GAB2: variants seen among roughly 807,000 people sequenced by gnomAD.
The protein encoded by GAB2 is GRB2-associated-binding protein 2.
A neutral mutation model predicts 65.5 loss-of-function variants in GAB2; 26 were observed. That is an observed-to-expected ratio of 0.40 (90% confidence interval 0.29 to 0.55). The LOEUF (loss-of-function observed/expected upper bound fraction) is 0.55. Among genes scored for constraint, GAB2 ranks in the 20% least tolerant of loss-of-function variants. The pLI, the probability that GAB2 is intolerant of heterozygous loss-of-function variation, is 0.53. For synonymous variants in GAB2, 321 were observed against 329.6 expected (o/e 0.97, Z 0.28); for missense variants, 884 against 875.8 (o/e 1.01, Z -0.12).
At chr11:78,274,568 G>C (rs1048532043) in intron 2 of GAB2, among the ~76,000 whole-genome samples, 5 of 152,208 alleles carry the variant, frequency 3.3e-5, no homozygotes, top group Admixed American at 6.5e-5. Context: ...TTTTATAAAA[G>C]GAAGTTGAGA....
At chr11:78,222,052 A>G in intron 7 of GAB2, 53 bp downstream of exon 7, 2 of 1,186,240 alleles carry the variant, frequency 1.7e-6, no homozygotes, top group Non-Finnish European at 2.5e-6. Context: ...CACATCACTC[A>G]TTTTCCCTAA....
At chr11:78,222,314 C>T (rs1039737021) in intron 6 of GAB2, 119 bp from the exon 7 acceptor site, 2 of 691,772 alleles carry the variant, frequency 2.9e-6, no homozygotes, top group African/African-American at 3.5e-5. Flanking sequence ...CAGTTTCACA[C>T]AGGGAAACTG....
intron 2 of GAB2, among the ~76,000 whole-genome samples, chr11:78,272,574 G>A (rs191090168): frequency 9.2e-5 from 14 of 152,284 alleles, no homozygotes; most frequent in African/African-American, 3.4e-4. Flanking sequence ...TGACTTGGGT[G>A]CTGTTAAAGG....
chr11:78,291,675 G>A (rs867052538), intron 1 of GAB2, among the ~76,000 whole-genome samples: 1 of 137,622 alleles, frequency 7.3e-6, no homozygotes, highest in African/African-American at 2.7e-5. Flanking sequence ...AGGCTCAAGC[G>A]ATCCTCCTAC....
intron 2 of GAB2, among the ~76,000 whole-genome samples, chr11:78,255,766 T>C (rs550866500): frequency 4.6e-5 from 7 of 152,366 alleles, no homozygotes; most frequent in Admixed American, 2.6e-4. Context: ...GGCTGATTAG[T>C]AGACCTGGCA....
intron 1 of GAB2, among the ~76,000 whole-genome samples, chr11:78,348,012 GA>G (rs1173515046): frequency 5.3e-5 from 8 of 152,024 alleles, no homozygotes; most frequent in East Asian, 1.9e-4. Context: ...TAAAGATAGA[GA>G]AAAAAATCAT....
chr11:78,380,894 A>T (rs1296757850), intron 1 of GAB2, among the ~76,000 whole-genome samples: 9 of 151,878 alleles, frequency 5.9e-5, no homozygotes, highest in Admixed American at 5.3e-4. Flanking sequence ...GTAACCAGTC[A>T]AATCACTGTA....
intron 1 of GAB2, among the ~76,000 whole-genome samples, chr11:78,308,620 C>A (rs1347042303): frequency 1.3e-5 from 2 of 151,998 alleles, no homozygotes; most frequent in Non-Finnish European, 2.9e-5. Context: ...GAGAAGGAAG[C>A]GAGTATAAAA....
At position 78,297,335 on chromosome 11, in the gene GAB2, A is replaced by G. The variant is rs1005794705; in HGVS notation, c.76-16434T>C. 2.6e-5 allele frequency among the ~76,000 whole-genome samples: 4 copies of G among 152,126 alleles called. No individual in the cohort carries two copies. In the East Asian group the frequency reaches 7.7e-4, roughly 29 times the overall value. On this transcript the variant is annotated intron_variant, in intron 1 of 9. Coordinates refer to ENST00000361507, the MANE Select transcript of GAB2 (RefSeq NM_080491.3). ...TCTGAGAATTCCTCCAGAAAATAAC[A>G]TATTTTTAAGTATTTGTTAATGAAG... is the stretch of plus-strand genomic sequence containing the variant.
chr11:78,417,532 C>A (rs1857214940), intron 1 of GAB2, 114 bp downstream of exon 1: 2 of 412,170 alleles, frequency 4.9e-6, no homozygotes, highest in Non-Finnish European at 6.9e-6. Flanking sequence ...CCCCCGGCCC[C>A]CCGCGGCTCC....
rs916138569 is a variant in GAB2 at position 78,244,592 on chromosome 11, T to C, written c.620+5565A>G. 4.6e-5 allele frequency among the ~76,000 whole-genome samples: 6 copies of C among 129,850 alleles called. No homozygotes were observed. In the East Asian group the frequency reaches 9.0e-4, roughly 19 times the overall value. The allele number at this position is 129,850 out of a possible 152,430, so 85.2% of individuals were successfully genotyped here. ...CTCAACAGCAAAAAAAAACAAATAA[T>C]GGAGTTGAGGCAAATTAGCTGAAAA... On this transcript the variant is annotated intron_variant, in intron 3 of 9. Coordinates refer to ENST00000361507, the MANE Select transcript of GAB2 (RefSeq NM_080491.3).
Position 78,219,257 on chromosome 11 carries a change from G to A in GAB2, c.*15C>T. On this transcript the variant is annotated 3_prime_UTR_variant, in exon 10 of 10. Coordinates refer to ENST00000361507, the MANE Select transcript of GAB2 (RefSeq NM_080491.3). ...CTGGAGATGCTGCCTCCTGGGCTCT[G>A]CGGTGGCCCTCTCATCACAGCTTGG... 6.2e-7 allele frequency: 1 copy of A among 1,611,808 alleles called. No individual in the cohort carries two copies. Among genetic ancestry groups the A allele is most frequent in the Non-Finnish European group, 8.5e-7 (1 of 1,179,446 alleles).
rs757341769 is a variant in GAB2 at position 78,221,698 on chromosome 11, G to A, written c.1740C>T (p.Ser580=). 109 of 1,611,856 alleles carry A rather than the reference G, an allele frequency of 6.8e-5. No homozygotes were observed. The highest frequency in any genetic ancestry group is 1.6e-4 in the Middle Eastern group (1 of 6,070). ...TCACCATAGGGACATAGTTCTCTTCGCTGTCTCCTGAGTCTGTGCTGGTGA... is the reference window on the plus strand; with the variant it reads ...TCACCATAGGGACATAGTTCTCTTCACTGTCTCCTGAGTCTGTGCTGGTGA... ...QSITSTDSGD[S]EENYVPMQNP... The change falls in exon 8 of 10, where the codon AGC becomes AGT. Residue 580 remains serine, a synonymous_variant. Transcript: ENST00000361507.
chr11:78,302,478 A>T (rs4417309), intron 1 of GAB2, among the ~76,000 whole-genome samples: 146,912 of 151,964 alleles, frequency 0.97, 71,279 homozygotes, highest in African/African-American at 1. Context: ...AAAACCACAA[A>T]GCGATACCAC....
intron 1 of GAB2, among the ~76,000 whole-genome samples, chr11:78,371,206 G>GA (rs1464325776): frequency 6.6e-6 from 1 of 152,174 alleles, no homozygotes; most frequent in South Asian, 2.1e-4. Flanking sequence ...ATACAGAATA[G>GA]AACTTTAACT....
intron 1 of GAB2, among the ~76,000 whole-genome samples, chr11:78,335,706 T>C (rs1411872011): frequency 1.3e-5 from 2 of 152,214 alleles, no homozygotes; most frequent in African/African-American, 2.4e-5. Context: ...TTGCTTGGGA[T>C]AGCTTTGGTT....
chr11:78,269,291 T>G lies in GAB2; in HGVS notation c.376+11310A>C, dbSNP rs548091768. 1.2e-4 allele frequency among the ~76,000 whole-genome samples: 18 copies of G among 152,286 alleles called. 2 individuals carry two copies. The South Asian group carries it at 3.7e-3, about 32-fold the overall frequency. ...CAAGGGTTCCCCAGAGGAGTTGGTC[T>G]GATTTCAGTTAATAAAACAAAACCC... On this transcript the variant is annotated intron_variant, in intron 2 of 9. Transcript: ENST00000361507.
At chr11:78,330,898 G>A (rs1488372151) in intron 1 of GAB2, among the ~76,000 whole-genome samples, 3 of 151,658 alleles carry the variant, frequency 2.0e-5, no homozygotes, top group Non-Finnish European at 2.9e-5. Context: ...ACCAGGCTAG[G>A]TGCAATGGCT....
At chr11:78,367,726 T>A (rs1189713451) in intron 1 of GAB2, among the ~76,000 whole-genome samples, 1 of 151,996 alleles carries the variant, frequency 6.6e-6, no homozygotes, top group Non-Finnish European at 1.5e-5. Context: ...AGGCAGAAGA[T>A]CCAGCCTCTC....
Sources: allele counts gnomAD v4.1 joint callset (sites outside exome capture counted in the v4.1 genomes callset), GRCh38; gene constraint gnomAD v4.1.1; transcripts MANE v1.5; gene names NCBI Gene and HGNC (gene_info 2026-07-23, HGNC 2026-07-21).